The following INPP5B variants were observed in gnomAD, a reference collection of about 807,000 sequenced individuals.
The protein encoded by INPP5B is type II inositol 1,4,5-trisphosphate 5-phosphatase.
INPP5B carries 90 observed loss-of-function variants against 118.5 expected under a neutral mutation model. That is an observed-to-expected ratio of 0.76 (90% CI 0.64 to 0.90). The LOEUF (loss-of-function observed/expected upper bound fraction) is 0.90. Among genes scored for constraint, INPP5B ranks in the 40% least tolerant of loss-of-function variants. The pLI, the probability that INPP5B is intolerant of heterozygous loss-of-function variation, is 0.00. For missense variants in INPP5B, 984 were observed against 1,125.6 expected, an observed-to-expected ratio of 0.87 and a Z score of 1.80; for synonymous variants, 385 against 418.9, an observed-to-expected ratio of 0.92 and a Z score of 0.99.
intron 19 of INPP5B, 72 bp from the exon 20 acceptor site, chr1:37,868,686 G>A: frequency 2.1e-6 from 2 of 936,218 alleles, no homozygotes; most frequent in South Asian, 1.3e-5. Context: ...CATGGGGACA[G>A]CAAACCCACA....
chr1:37,933,282 C>A (rs1460986423), intron 6 of INPP5B, among the ~76,000 whole-genome samples: 1 of 152,194 alleles, frequency 6.6e-6, no homozygotes, highest in Non-Finnish European at 1.5e-5. Context: ...TAGGGCCAGG[C>A]GCATGCCTGT....
At chr1:37,911,643 A>G (rs894232926) in intron 7 of INPP5B, among the ~76,000 whole-genome samples, 2 of 152,180 alleles carry the variant, frequency 1.3e-5, no homozygotes, top group African/African-American at 4.8e-5. Flanking sequence ...CAAAAGGACT[A>G]CGAGTCAATA....
intron 23 of INPP5B, 65 bp from the exon 24 acceptor site, chr1:37,862,495 TAAC>T: frequency 1.1e-6 from 1 of 949,506 alleles, no homozygotes. Flanking sequence ...ACACATCACT[TAAC>T]GACAGGGATA....
intron 8 of INPP5B, among the ~76,000 whole-genome samples, chr1:37,891,025 G>A (rs1396861446): frequency 3.3e-5 from 5 of 151,956 alleles, no homozygotes; most frequent in South Asian, 4.2e-4. Context: ...TCACAAGTTC[G>A]AGACCAGCCT....
chr1:37,910,585 C>T (rs1286064429), intron 7 of INPP5B, among the ~76,000 whole-genome samples: 1 of 152,050 alleles, frequency 6.6e-6, no homozygotes, highest in Admixed American at 6.6e-5. Context: ...ACGGATGATG[C>T]ACCCCTTACC....
intron 12 of INPP5B, among the ~76,000 whole-genome samples, chr1:37,886,632 G>T: frequency 6.6e-6 from 1 of 152,208 alleles, no homozygotes; most frequent in East Asian, 1.9e-4. Context: ...TACTTCATGG[G>T]TGAAATGGGA....
At chr1:37,890,064 G>A (rs546431371) in intron 8 of INPP5B, among the ~76,000 whole-genome samples, 9 of 152,298 alleles carry the variant, frequency 5.9e-5, no homozygotes, top group African/African-American at 2.2e-4. Flanking sequence ...AATGGTGGCA[G>A]AGTATGGGAT....
intron 7 of INPP5B, among the ~76,000 whole-genome samples, chr1:37,914,189 T>C (rs1644793998): frequency 6.6e-6 from 1 of 152,196 alleles, no homozygotes; most frequent in Non-Finnish European, 1.5e-5. Context: ...CACCCCTTGT[T>C]TAGCATATAA....
intron 19 of INPP5B, 92 bp from the exon 20 acceptor site, chr1:37,868,706 A>G: frequency 3.8e-6 from 3 of 795,456 alleles, no homozygotes; most frequent in African/African-American, 3.4e-5. Flanking sequence ...AGAAAAAGGA[A>G]AACATTCCAC....
At chr1:37,880,288 C>G in intron 14 of INPP5B, 94 bp from the exon 15 acceptor site, 1 of 926,434 alleles carries the variant, frequency 1.1e-6, no homozygotes, top group Non-Finnish European at 1.7e-6. Context: ...AATTCAAACT[C>G]TAACCCAAAG....
At chr1:37,878,839 G>A (rs1643006199) in intron 15 of INPP5B, among the ~76,000 whole-genome samples, 1 of 151,362 alleles carries the variant, frequency 6.6e-6, no homozygotes, top group Admixed American at 6.6e-5. Flanking sequence ...TAGTAGAGGT[G>A]GGGTTTCACC....
Position 37,934,846 on chromosome 1 carries a change from C to A in INPP5B, c.392-2793G>T, listed in dbSNP as rs80349899. Among the ~76,000 whole-genome samples the A allele has an allele frequency of 2.6e-5, 4 of 152,062 alleles. No homozygotes were observed. In the East Asian group the frequency reaches 7.8e-4, roughly 30 times the overall value. ...TCATAGCTACCAACCTCTGCTCCTG[C>A]AGTCAACAAATATTTATTAAGTGCC... On this transcript the variant is annotated intron_variant, in intron 6 of 23. Coordinates refer to ENST00000373024, the MANE Select transcript of INPP5B (RefSeq NM_005540.3).
In INPP5B at chr1:37,873,114, G is replaced by A; in HGVS notation, c.2003C>T (p.Thr668Ile). ...TTTGTCTTCACCCGAGTTGAGCTTT[G>A]TAGCTGTCATCTTATTTACGAAGAG... ...LELFVNKMTATKLNSGEDKIE... is the reference protein window; with the variant it reads ...LELFVNKMTAIKLNSGEDKIE... Residue 668 changes from threonine (T) to isoleucine (I), a missense_variant, in exon 19 of 24, where the codon ACA (threonine) becomes ATA (isoleucine). Physicochemically the swap from Thr to Ile is moderately conservative, Grantham distance 89. This residue lies in a region of INPP5B where 634 missense variants were observed against 791.0 expected (regional missense o/e 0.80). Transcript: ENST00000373024. The A allele has an allele frequency of 6.2e-7, 1 of 1,614,072 alleles. No homozygotes were observed. The highest frequency in any genetic ancestry group is 8.5e-7 in the Non-Finnish European group (1 of 1,179,978).
At chr1:37,910,622 C>G (rs1395407603) in intron 7 of INPP5B, among the ~76,000 whole-genome samples, 2 of 152,098 alleles carry the variant, frequency 1.3e-5, no homozygotes, top group Non-Finnish European at 2.9e-5. Context: ...ATCACCCTTA[C>G]CCTGCTCAAT....
chr1:37,878,390 C>G (rs1642975110), intron 15 of INPP5B, 67 bp from the exon 16 acceptor site: 5 of 1,591,100 alleles, frequency 3.1e-6, no homozygotes, highest in Non-Finnish European at 4.3e-6. Flanking sequence ...GGCGAGTGCC[C>G]TGGCTCAGGT....
chr1:37,899,299 A>G (rs1245401733), intron 7 of INPP5B, among the ~76,000 whole-genome samples: 1 of 151,778 alleles, frequency 6.6e-6, no homozygotes, highest in Admixed American at 6.6e-5. Context: ...AGTGGCTCAC[A>G]CCTGTAATCC....
chr1:37,864,184 A>C (rs1055395538), intron 23 of INPP5B, 128 bp downstream of exon 23: 4 of 609,934 alleles, frequency 6.6e-6, no homozygotes, highest in African/African-American at 5.6e-5. Flanking sequence ...TTCTGCTTTA[A>C]AAAATCTTTG....
chr1:37,946,137 C>T (rs1646102366), intron 2 of INPP5B, 115 bp downstream of exon 2: 2 of 995,958 alleles, frequency 2.0e-6, no homozygotes, highest in South Asian at 1.5e-5. Flanking sequence ...ATACTGATTT[C>T]CTTCTCCCCT....
At chr1:37,887,253 A>G (rs1362191164) in intron 11 of INPP5B, 98 bp downstream of exon 11, 1 of 856,444 alleles carries the variant, frequency 1.2e-6, no homozygotes, top group Non-Finnish European at 1.9e-6. Flanking sequence ...GATAATTAAG[A>G]CTGGCTTAAG....
Sources: allele counts gnomAD v4.1 joint callset (sites outside exome capture counted in the v4.1 genomes callset), GRCh38; gene constraint gnomAD v4.1.1; regional missense constraint gnomAD v4.1.1; transcripts MANE v1.5; gene names NCBI Gene and HGNC (gene_info 2026-07-23, HGNC 2026-07-21).